The following ZNF510 variants were observed in gnomAD, a reference collection of about 807,000 sequenced individuals.
ZNF510 encodes the protein zinc finger protein 510.
Under a neutral mutation model 18.1 loss-of-function variants are expected in ZNF510, and 15 were observed. The ratio of observed to expected loss-of-function variants is 0.83; its 90% CI spans 0.55 to 1.28. The LOEUF is 1.28. ZNF510 is among the 50% of genes most tolerant of loss of function. The pLI is 0.00. For missense variants in ZNF510, 724 were observed against 791.8 expected (o/e 0.91, Z 1.03); for synonymous variants, 261 against 266.4 (o/e 0.98, Z 0.20).
rs761305058 is a variant in ZNF510, at chr9:96,759,602, C to T, written c.1228G>A (p.Gly410Arg). The T allele has an allele frequency of 1.2e-6, 2 of 1,613,976 alleles. No homozygotes were observed. The highest frequency in any genetic ancestry group is 8.5e-7 in the Non-Finnish European group (1 of 1,179,988). Residue 410 changes from glycine (G) to arginine (R), a missense_variant, in exon 6 of 6, where the codon GGG becomes AGG. Transcript: ENST00000223428. ...TGTCCTTTCTGACAGAAGGATTTCC[C>T]ACATTCATTACATTTATAGGGTTTC... ...MMKPYKCNEC[G>R]KSFCQKGHLI...
intron 3 of ZNF510, among the ~76,000 whole-genome samples, chr9:96,766,680 A>G (rs930264948): frequency 1.3e-5 from 2 of 152,228 alleles, no homozygotes; most frequent in Non-Finnish European, 2.9e-5. Context: ...AAATTACAAA[A>G]AATTACAATC....
intron 3 of ZNF510, among the ~76,000 whole-genome samples, chr9:96,770,254 C>T (rs1849557219): frequency 6.6e-6 from 1 of 152,030 alleles, no homozygotes; most frequent in Non-Finnish European, 1.5e-5. Context: ...CTGATACGTA[C>T]AACATGGATG....
chr9:96,764,580 G>A (rs1166259683), intron 3 of ZNF510, among the ~76,000 whole-genome samples: 1 of 152,044 alleles, frequency 6.6e-6, no homozygotes, highest in Non-Finnish European at 1.5e-5. Context: ...TGTCAAAACT[G>A]AAAATATTTA....
At chr9:96,763,243 A>T (rs1323674437) in intron 4 of ZNF510, 30 bp from the exon 5 acceptor site, 1 of 1,604,784 alleles carries the variant, frequency 6.2e-7, no homozygotes. Flanking sequence ...GAGGACTTAG[A>T]CCAGATATAT....
chr9:96,760,156 A>C lies in ZNF510; in HGVS notation c.674T>G (p.Phe225Cys), dbSNP rs1177589614. 6.2e-7 allele frequency: 1 copy of C among 1,612,210 alleles called. No homozygotes were observed. Among genetic ancestry groups the C allele is most frequent in the Non-Finnish European group, 8.5e-7 (1 of 1,179,340 alleles). ...NFEKTQTGEK[F>C]YEHNKNMKAL... ...TTTCATGTTTTTATTATGTTCATAA[A>C]ATTTCTCTCCAGTCTGAGTTTTCTC... Residue 225 changes from phenylalanine to cysteine, a missense_variant, in exon 6 of 6, where the codon TTT becomes TGT. Physicochemically the swap from Phe to Cys is radical, Grantham distance 205. Transcript: ENST00000223428.
intron 3 of ZNF510, among the ~76,000 whole-genome samples, chr9:96,765,520 T>C (rs1332532986): frequency 2.2e-5 from 3 of 138,866 alleles, no homozygotes; most frequent in Non-Finnish European, 4.6e-5. Context: ...TCACTTTTTC[T>C]TTTTTTTTTT....
chr9:96,773,880 T>C (rs547535698), intron 3 of ZNF510, among the ~76,000 whole-genome samples: 1 of 152,304 alleles, frequency 6.6e-6, no homozygotes, highest in East Asian at 1.9e-4. Context: ...CCGGCCCCTG[T>C]TGACATCTTG....
Position 96,763,609 on chromosome 9 carries a change from C to T in ZNF510, c.153G>A (p.Val51=). The T allele has an allele frequency of 1.2e-6, 2 of 1,613,050 alleles. No homozygotes were observed. The highest frequency in any genetic ancestry group is 1.7e-6 in the Non-Finnish European group (2 of 1,179,458). Residue 51 remains valine, a synonymous_variant, in exon 4 of 6, where the codon GTG becomes GTA. Coordinates refer to ENST00000223428, the MANE Select transcript of ZNF510 (RefSeq NM_014930.3). ...ISQASVSFKD[V]TIEFTQEEWQ... ...ACTCCTCCTGGGTGAATTCTATAGT[C>T]ACGTCCTTGAATGACACTGATGCCT...
rs1389257088 is a variant in ZNF510 at position 96,755,087 on chromosome 9, GC to G, written c.*3690del. ...TGTATGGAAAGGTATCCTGTGGGCC[GC>G]CCTCTGCTAAGGGACAGCAGGTGAA... On this transcript the variant is annotated 3_prime_UTR_variant, in exon 6 of 6. Coordinates refer to ENST00000223428, the MANE Select transcript of ZNF510 (RefSeq NM_014930.3). 6.6e-6 allele frequency among the ~76,000 whole-genome samples: 1 copy of G among 152,162 alleles called. No homozygotes were observed. The highest frequency in any genetic ancestry group is 1.5e-5 in the Non-Finnish European group (1 of 68,034).
chr9:96,774,852 G>A lies in ZNF510; in HGVS notation c.71-6C>T, dbSNP rs767253276. 43 of 1,613,606 alleles carry A rather than the reference G, an allele frequency of 2.7e-5. No individual in the cohort carries two copies. Among genetic ancestry groups the A allele is most frequent in the Non-Finnish European group, 3.6e-5 (43 of 1,179,756 alleles). On this transcript the variant is annotated splice_region_variant and splice_polypyrimidine_tract_variant and intron_variant, in intron 2 of 5. Coordinates refer to ENST00000223428, the MANE Select transcript of ZNF510 (RefSeq NM_014930.3). ...GGAGAACCGTAAAGGATAACCTGGG[G>A]GTGAGGAAGGAGTCATGAGAGATCT...
intron 2 of ZNF510, among the ~76,000 whole-genome samples, chr9:96,775,306 C>A (rs61500672): frequency 2.6e-5 from 4 of 152,058 alleles, no homozygotes; most frequent in African/African-American, 4.8e-5. Flanking sequence ...GCAATCTGCC[C>A]GCCTTGGCCT....
intron 2 of ZNF510, among the ~76,000 whole-genome samples, chr9:96,775,062 TTTG>T (rs1186115027): frequency 3.5e-5 from 5 of 141,918 alleles, no homozygotes; most frequent in Non-Finnish European, 7.4e-5. Flanking sequence ...TGTGTGTTTT[TTTG>T]TTTTTTTTTT....
intron 4 of ZNF510, 90 bp downstream of exon 4, chr9:96,763,416 C>CT: frequency 1.4e-6 from 2 of 1,469,404 alleles, no homozygotes; most frequent in Non-Finnish European, 9.2e-7. Context: ...ATAATTTAAA[C>CT]TTTAAGTAAA....
intron 3 of ZNF510, 123 bp downstream of exon 3, chr9:96,774,665 C>T (rs1849651035): frequency 1.0e-5 from 9 of 876,672 alleles, no homozygotes; most frequent in Admixed American, 2.3e-5. Flanking sequence ...TGCTGTGCTA[C>T]TGCCCTGCTT....
rs1036929715 is a variant in ZNF510 at position 96,757,162 on chromosome 9, C to T, written c.*1616G>A. On this transcript the variant is annotated 3_prime_UTR_variant, in exon 6 of 6. Transcript: ENST00000223428. ...TCAATAAAGCCATATAAATCTGAGT[C>T]CCTCCCCTCTCTGGAGGTTTCCCAT... 7 of 152,144 alleles carry T rather than the reference C, an allele frequency of 4.6e-5. No homozygotes were observed. Among genetic ancestry groups the T allele is most frequent in the Admixed American group, 4.6e-4 (7 of 15,268 alleles). The allele number at this position is 152,144 out of a possible 1,614,324, so 9.4% of individuals were successfully genotyped here.
At chr9:96,774,712 A>G in intron 3 of ZNF510, 76 bp downstream of exon 3, 1 of 1,285,496 alleles carries the variant, frequency 7.8e-7, no homozygotes, top group Non-Finnish European at 1.1e-6. Context: ...ATCCATTTCT[A>G]CATTTCCATA....
rs753366838 is a variant in ZNF510 at position 96,759,369 on chromosome 9, G to C, written c.1461C>G (p.Pro487=). ...GHQRIHTGEK[P]YECSECGKTF... The stretch of plus-strand genomic sequence containing the variant: ...TTTTCCCACATTCACTACATTCATA[G>C]GGTTTTTCTCCTGTGTGAATTCTTT... The change falls in exon 6 of 6, where the codon CCC becomes CCG. Residue 487 remains proline, a synonymous_variant. Transcript: ENST00000223428. 22 of 1,613,938 alleles carry C rather than the reference G, an allele frequency of 1.4e-5. No individual in the cohort carries two copies. Among genetic ancestry groups the C allele is most frequent in the Non-Finnish European group, 1.8e-5 (21 of 1,179,994 alleles).
chr9:96,762,220 AAAAAAG>A (rs1849363708), intron 5 of ZNF510, among the ~76,000 whole-genome samples: 1 of 147,184 alleles, frequency 6.8e-6, no homozygotes, highest in East Asian at 1.9e-4. Flanking sequence ...AAAAAAAAAA[AAAAAAG>A]AGGCCAGGCA....
chr9:96,762,302 G>A (rs1287351042), intron 5 of ZNF510, among the ~76,000 whole-genome samples: 2 of 151,188 alleles, frequency 1.3e-5, no homozygotes, highest in Non-Finnish European at 2.9e-5. Context: ...AAGGTCAGGA[G>A]ATCAAGACCA....
Sources: allele counts gnomAD v4.1 joint callset (sites outside exome capture counted in the v4.1 genomes callset), GRCh38; gene constraint gnomAD v4.1.1; transcripts MANE v1.5; gene names NCBI Gene and HGNC (gene_info 2026-07-23, HGNC 2026-07-21).